Variants in FRMD6 observed in about 807,000 individuals in gnomAD.
FRMD6 encodes the protein FERM domain containing 6, also known as FERM domain-containing protein 6.
In FRMD6, 37 loss-of-function variants were observed where a neutral mutation model predicts 73.2. The ratio of observed to expected loss-of-function variants is 0.51; its 90% CI spans 0.39 to 0.66. FRMD6 has a LOEUF of 0.66. Ranked by LOEUF, FRMD6 falls within the 30% of genes least tolerant of loss-of-function variation. FRMD6 has a pLI of 0.00. For missense variants in FRMD6, 714 were observed against 780.5 expected, an observed-to-expected ratio of 0.91 and a Z score of 1.02; for synonymous variants, 273 against 282.2, an observed-to-expected ratio of 0.97 and a Z score of 0.33.
chr14:51,417,647 A>G, the FRMD6 span, among the ~76,000 whole-genome samples: 1 of 152,100 alleles, frequency 6.6e-6, no homozygotes, highest in East Asian at 1.9e-4. Flanking sequence ...GCTCTTCTCA[A>G]GGAGTATCTT....
At chr14:51,407,070 T>A in the FRMD6 span, among the ~76,000 whole-genome samples, 1 of 152,154 alleles carries the variant, frequency 6.6e-6, no homozygotes, top group South Asian at 2.1e-4. Context: ...ATGTGAATTT[T>A]TTTCTAAGTT....
chr14:51,556,056 G>A (rs1321350183), intron 1 of FRMD6, among the ~76,000 whole-genome samples: 1 of 152,210 alleles, frequency 6.6e-6, no homozygotes, highest in Non-Finnish European at 1.5e-5. Context: ...CTAGGGCTAA[G>A]TATTGATGGC....
At chr14:51,673,880 G>T (rs2140257214) in intron 1 of FRMD6, among the ~76,000 whole-genome samples, 1 of 152,278 alleles carries the variant, frequency 6.6e-6, no homozygotes, top group Admixed American at 6.5e-5. Flanking sequence ...AGTCTGAAAG[G>T]AAGTATTTCT....
chr14:51,452,673 T>G, the FRMD6 span, among the ~76,000 whole-genome samples: 1 of 151,596 alleles, frequency 6.6e-6, no homozygotes, highest in Non-Finnish European at 1.5e-5. Context: ...GAGAAGTGAA[T>G]CAAGAATTAA....
chr14:51,408,003 C>T, the FRMD6 span, among the ~76,000 whole-genome samples: 42 of 152,222 alleles, frequency 2.8e-4, no homozygotes, highest in African/African-American at 9.4e-4. Flanking sequence ...ACTATGGCTG[C>T]TTTTAATGCT....
Position 51,720,368 on chromosome 14 carries a change from G to A in FRMD6, c.1338G>A (p.Leu446=). ...SGVESGGKDR[L]EEDLQDDEIE... ...TGGAGAGTGGCGGCAAAGACCGGCT[G>A]GAAGAGGACTTACAGGACGATGGTA... Residue 446 remains leucine, a synonymous_variant, in exon 11 of 14, where the codon CTG becomes CTA. Coordinates refer to ENST00000344768, the MANE Select transcript of FRMD6 (RefSeq NM_001267046.2). The A allele has an allele frequency of 6.2e-7, 1 of 1,613,564 alleles. No individual in the cohort carries two copies. The highest frequency in any genetic ancestry group is 2.2e-5 in the East Asian group (1 of 44,884).
chr14:51,539,044 A>G (rs1215941205), intron 1 of FRMD6, among the ~76,000 whole-genome samples: 1 of 152,120 alleles, frequency 6.6e-6, no homozygotes, highest in Non-Finnish European at 1.5e-5. Context: ...GGTTGGACTC[A>G]GGTATTGGTT....
At chr14:51,405,955 T>C in the FRMD6 span, among the ~76,000 whole-genome samples, 1 of 152,236 alleles carries the variant, frequency 6.6e-6, no homozygotes, top group Non-Finnish European at 1.5e-5. Context: ...TCCAGGGTTT[T>C]TACAGTTTTG....
the FRMD6 span, among the ~76,000 whole-genome samples, chr14:51,477,874 G>C: frequency 6.6e-6 from 1 of 151,908 alleles, no homozygotes; most frequent in South Asian, 2.1e-4. Flanking sequence ...CAAGTAGCTG[G>C]GATTACAGGC....
intron 2 of FRMD6, among the ~76,000 whole-genome samples, chr14:51,618,236 A>T (rs1890789675): frequency 6.6e-6 from 1 of 152,182 alleles, no homozygotes; most frequent in South Asian, 2.1e-4. Context: ...ATGAAAAGAA[A>T]CTGGTCAGGG....
At chr14:51,403,458 T>A in the FRMD6 span, among the ~76,000 whole-genome samples, 6 of 152,340 alleles carry the variant, frequency 3.9e-5, no homozygotes, top group African/African-American at 1.2e-4. Flanking sequence ...TGGAGTGCAG[T>A]GGCACGATCA....
intron 2 of FRMD6, among the ~76,000 whole-genome samples, chr14:51,645,351 G>A (rs1892016775): frequency 6.6e-6 from 1 of 152,194 alleles, no homozygotes; most frequent in Non-Finnish European, 1.5e-5. Context: ...ACCATGGACA[G>A]GTAGGGTGTC....
chr14:51,585,735 A>G (rs1001997026), intron 2 of FRMD6, among the ~76,000 whole-genome samples: 4 of 151,050 alleles, frequency 2.6e-5, no homozygotes, highest in Non-Finnish European at 4.4e-5. Flanking sequence ...ATAGTCTCCA[A>G]TGTCTATTAT....
intron 12 of FRMD6, among the ~76,000 whole-genome samples, chr14:51,722,708 T>C (rs2140662735): frequency 6.6e-6 from 1 of 152,340 alleles, no homozygotes; most frequent in East Asian, 1.9e-4. Flanking sequence ...GGCAGCAGTA[T>C]CAGTTTTGTT....
chr14:51,667,758 A>G (rs1383344510), intron 1 of FRMD6, among the ~76,000 whole-genome samples: 1 of 152,244 alleles, frequency 6.6e-6, no homozygotes, highest in African/African-American at 2.4e-5. Flanking sequence ...AATCAGGAAC[A>G]GTTTTTAATA....
chr14:51,629,492 G>A (rs1019596636), intron 2 of FRMD6, among the ~76,000 whole-genome samples: 3 of 152,016 alleles, frequency 2.0e-5, no homozygotes, highest in African/African-American at 7.3e-5. Flanking sequence ...AGTGTATGGG[G>A]GTTCCAGTTG....
intron 1 of FRMD6, among the ~76,000 whole-genome samples, chr14:51,674,281 T>C (rs565020092): frequency 6.6e-6 from 1 of 152,326 alleles, no homozygotes; most frequent in African/African-American, 2.4e-5. Flanking sequence ...ATATAGGCAC[T>C]CCTCTCGATG....
Position 51,727,971 on chromosome 14 carries a change from C to A in FRMD6, c.1811C>A (p.Thr604Asn), listed in dbSNP as rs1387263827. The A allele has an allele frequency of 6.2e-7, 1 of 1,613,732 alleles. No individual in the cohort carries two copies. The highest frequency in any genetic ancestry group is 1.7e-5 in the Admixed American group (1 of 60,014). Residue 604 changes from threonine to asparagine, a missense_variant, in exon 14 of 14, where the codon ACC becomes AAC. Thr to Asn is a moderately conservative substitution (Grantham distance 65). Coordinates refer to ENST00000344768, the MANE Select transcript of FRMD6 (RefSeq NM_001267046.2). ...NIQDAFPVKR[T>N]SKYFSLDLTH... Reference sequence around the variant, plus strand: ...CAAGATGCTTTTCCAGTCAAAAGAACCAGCAAATACTTTTCTCTGGATCTC... The same window carrying A: ...CAAGATGCTTTTCCAGTCAAAAGAAACAGCAAATACTTTTCTCTGGATCTC...
chr14:51,665,185 C>G (rs1893491534), intron 1 of FRMD6, among the ~76,000 whole-genome samples: 2 of 152,194 alleles, frequency 1.3e-5, no homozygotes, highest in South Asian at 4.1e-4. Flanking sequence ...TATACCTTCT[C>G]TTGAAAAATT....
Sources: gnomAD v4.1 joint callset for allele counts (sites outside exome capture counted in the v4.1 genomes callset) on GRCh38, gnomAD v4.1.1 for gene constraint, MANE v1.5 for transcripts, NCBI Gene and HGNC (gene_info 2026-07-23, HGNC 2026-07-21) for gene names.